RDX: variants seen among roughly 807,000 people sequenced by gnomAD.
The protein encoded by RDX is deafness, autosomal recessive 24.
In RDX, 32 loss-of-function variants were observed where a neutral mutation model predicts 83.7. That is an observed-to-expected ratio of 0.38 (90% confidence interval 0.29 to 0.51). The LOEUF is 0.51. RDX is among the 20% of genes least tolerant of loss of function. The probability of loss-of-function intolerance (pLI) is 0.87; values close to 1 mark genes in which losing one functional copy is unlikely to be tolerated. For synonymous variants in RDX, 229 were observed against 222.7 expected (o/e 1.03, Z -0.25); for missense variants, 600 against 689.9 (o/e 0.87, Z 1.46).
At chr11:110,259,292 A>G (rs977932699) in intron 5 of RDX, among the ~76,000 whole-genome samples, 8 of 152,228 alleles carry the variant, frequency 5.3e-5, no homozygotes. Flanking sequence ...CAGCAAAGTC[A>G]ACATGATTAT....
chr11:110,240,977 A>AC (rs1443178476), intron 10 of RDX, among the ~76,000 whole-genome samples: 2 of 135,972 alleles, frequency 1.5e-5, no homozygotes, highest in Non-Finnish European at 3.1e-5. Context: ...AATCACTTAA[A>AC]CCCAGGAGGC....
chr11:110,213,991 G>C (rs1211357493), intron 14 of RDX, among the ~76,000 whole-genome samples: 1 of 80,110 alleles, frequency 1.2e-5, no homozygotes, highest in Non-Finnish European at 2.4e-5. Flanking sequence ...TTGACAAATG[G>C]GATCTAATTA....
intron 1 of RDX, among the ~76,000 whole-genome samples, chr11:110,280,168 G>T (rs79439134): frequency 1.3e-5 from 2 of 151,732 alleles, no homozygotes; most frequent in Admixed American, 1.3e-4. Flanking sequence ...CTTATTCAAT[G>T]TTTTTTTTCT....
chr11:110,204,341 A>T (rs901999466), intron 14 of RDX, among the ~76,000 whole-genome samples: 1 of 152,014 alleles, frequency 6.6e-6, no homozygotes, highest in Non-Finnish European at 1.5e-5. Context: ...ATGACAGCAA[A>T]AAGATGATTA....
intron 10 of RDX, 104 bp from the exon 11 acceptor site, chr11:110,237,756 A>C: frequency 7.8e-7 from 1 of 1,276,402 alleles, no homozygotes; most frequent in Non-Finnish European, 1.1e-6. Context: ...TCAATTTCTA[A>C]AAGTTAGCAC....
At position 110,295,418 on chromosome 11, in the gene RDX, A is replaced by G. The variant is rs559342160; in HGVS notation, c.-65+1049T>C. Among the ~76,000 whole-genome samples, 4 of 152,044 alleles carry G rather than the reference A, an allele frequency of 2.6e-5. No individual in the cohort carries two copies. In the South Asian group the frequency reaches 8.3e-4, roughly 31 times the overall value. Reference sequence around the variant, plus strand: ...CTTATTATCTTAGACTTTTATATTTACATCCTGCCAGTCTTAGTGCCACAA... The same window carrying G: ...CTTATTATCTTAGACTTTTATATTTGCATCCTGCCAGTCTTAGTGCCACAA... On this transcript the variant is annotated intron_variant, in intron 1 of 13. Coordinates refer to ENST00000645495, the MANE Select transcript of RDX (RefSeq NM_002906.4).
rs1206214013 is a variant in RDX at position 110,236,093 on chromosome 11, G to C, written c.1344+6C>G. The C allele has an allele frequency of 6.3e-7, 1 of 1,594,148 alleles. No individual in the cohort carries two copies. Among genetic ancestry groups the C allele is most frequent in the African/African-American group, 1.3e-5 (1 of 74,524 alleles). ...AATAAAAGCTAGTAAATGAATAAATGATTACTTTGTGTTGCCACTCAGTAG... is the reference window on the plus strand; with the variant it reads ...AATAAAAGCTAGTAAATGAATAAATCATTACTTTGTGTTGCCACTCAGTAG... On this transcript the variant is annotated splice_donor_region_variant and intron_variant, in intron 12 of 13. Coordinates refer to ENST00000645495, the MANE Select transcript of RDX (RefSeq NM_002906.4).
intron 1 of RDX, among the ~76,000 whole-genome samples, chr11:110,295,513 A>C (rs976091317): frequency 2.6e-5 from 4 of 151,860 alleles, no homozygotes; most frequent in Non-Finnish European, 5.9e-5. Context: ...ATATATTTTT[A>C]TGAAGTTGAC....
intron 7 of RDX, among the ~76,000 whole-genome samples, chr11:110,256,992 G>A (rs1859571950): frequency 6.6e-6 from 1 of 151,536 alleles, no homozygotes; most frequent in African/African-American, 2.4e-5. Flanking sequence ...GCATAGACTT[G>A]CATGCTTATG....
intron 14 of RDX, among the ~76,000 whole-genome samples, chr11:110,203,853 G>A (rs979920): frequency 0.44 from 66,902 of 151,876 alleles, 14,950 homozygotes; most frequent in East Asian, 0.6. Flanking sequence ...GTATATGTAT[G>A]TAAAAGGAAG....
chr11:110,270,242 T>G (rs1244177910), intron 3 of RDX, among the ~76,000 whole-genome samples: 1 of 152,112 alleles, frequency 6.6e-6, no homozygotes, highest in South Asian at 2.1e-4. Context: ...CTAAATGGTA[T>G]AGCCTACTAC....
rs1172573717 is a variant in RDX, at chr11:110,272,604, T to C, written c.28A>G (p.Thr10Ala). The C allele has an allele frequency of 6.2e-7, 1 of 1,610,702 alleles. No homozygotes were observed. The highest frequency in any genetic ancestry group is 1.7e-5 in the Admixed American group (1 of 59,930). The change falls in exon 3 of 14, where the codon ACT becomes GCT. Residue 10 changes from threonine (T) to alanine (A), a missense_variant. Transcript: ENST00000645495. ...AATTCCAGCTCAGCATCCATTGTAG[T>C]TACTCTTACGTTGATCTGTAATAAA... MPKPINVRV[T>A]TMDAELEFAI...
chr11:110,281,398 T>C (rs1201854791), intron 1 of RDX, among the ~76,000 whole-genome samples: 1 of 151,776 alleles, frequency 6.6e-6, no homozygotes, highest in Non-Finnish European at 1.5e-5. Context: ...GGTGCAATCT[T>C]AGCTCACTGC....
In RDX at chr11:110,257,788, T is replaced by C. The variant is rs767917915; in HGVS notation, c.677A>G (p.Asn226Ser). 2 of 1,611,922 alleles carry C rather than the reference T, an allele frequency of 1.2e-6. No individual in the cohort carries two copies. The highest frequency in any genetic ancestry group is 2.2e-5 in the South Asian group (2 of 90,998). ...LWLGVDALGL[N>S]IYEHDDKLTP... ...TTACTTGTCGTCATGCTCATAAATATTCAGACCCAAAGCATCAACACCTAG... is the reference window on the plus strand; with the variant it reads ...TTACTTGTCGTCATGCTCATAAATACTCAGACCCAAAGCATCAACACCTAG... The change falls in exon 7 of 14, where the codon AAT (asparagine) becomes AGT (serine). Residue 226 changes from asparagine (N) to serine (S), a missense_variant. Physicochemically the swap from Asn to Ser is conservative, Grantham distance 46. Transcript: ENST00000645495.
At chr11:110,216,356 T>C (rs577805154) in intron 14 of RDX, among the ~76,000 whole-genome samples, 7 of 151,818 alleles carry the variant, frequency 4.6e-5, no homozygotes, top group Non-Finnish European at 1.0e-4. Context: ...GTATCTAGTT[T>C]GGCTTGCCAA....
downstream of RDX, among the ~76,000 whole-genome samples, chr11:110,228,532 C>T (rs1394073095): frequency 6.6e-6 from 1 of 151,990 alleles, no homozygotes; most frequent in African/African-American, 2.4e-5. Flanking sequence ...TATGTTAATG[C>T]TAAAGTTAGT....
chr11:110,192,393 GGATTAAA>G (rs577155356), intron 15 of RDX, among the ~76,000 whole-genome samples: 71 of 152,188 alleles, frequency 4.7e-4, no homozygotes, highest in African/African-American at 1.6e-3. Flanking sequence ...GACTCAAGCT[GGATTAAA>G]GATTTAAATG....
intron 15 of RDX, among the ~76,000 whole-genome samples, chr11:110,192,437 G>C (rs1197965907): frequency 6.6e-6 from 1 of 152,100 alleles, no homozygotes; most frequent in Non-Finnish European, 1.5e-5. Flanking sequence ...AAAAATTCTA[G>C]AAGAAAACCT....
At chr11:110,180,297 A>C (rs1233972597) in intron 15 of RDX, among the ~76,000 whole-genome samples, 2 of 152,066 alleles carry the variant, frequency 1.3e-5, no homozygotes, top group African/African-American at 2.4e-5. Context: ...GCTATGTGCC[A>C]GCCAAATTGG....
Sources: allele counts gnomAD v4.1 joint callset (sites outside exome capture counted in the v4.1 genomes callset), GRCh38; gene constraint gnomAD v4.1.1; transcripts MANE v1.5; gene names NCBI Gene and HGNC (gene_info 2026-07-23, HGNC 2026-07-21).